Variants in CCNK observed in about 807,000 individuals in gnomAD.
CCNK encodes cyclin-K.
CCNK carries 9 observed loss-of-function variants against 65.0 expected under a neutral mutation model. That is an observed-to-expected ratio of 0.14 (90% CI 0.08 to 0.24). CCNK has a LOEUF of 0.24. Among genes scored for constraint, CCNK ranks in the 10% least tolerant of loss-of-function variants. CCNK has a pLI of 1.00. For missense variants in CCNK, 474 were observed against 720.0 expected, an observed-to-expected ratio of 0.66 and a Z score of 3.91; for synonymous variants, 279 against 270.8, an observed-to-expected ratio of 1.03 and a Z score of -0.30.
chr14:99,494,223 C>T (rs969082435), intron 3 of CCNK: 1 of 152,226 alleles, frequency 6.6e-6, no homozygotes, highest in African/African-American at 2.4e-5. Flanking sequence ...CCAACAGAAG[C>T]TAGCATAAGC....
chr14:99,493,508 C>T lies in CCNK; in HGVS notation c.198-6C>T. ...TATTGGTTAGAGTCCTTAACCAGAA[C>T]AACAGACACTATGATACCCTGGCAA... On this transcript the variant is annotated splice_polypyrimidine_tract_variant and splice_region_variant and intron_variant, in intron 2 of 10. Coordinates refer to ENST00000389879, the MANE Select transcript of CCNK (RefSeq NM_001099402.2). The T allele has an allele frequency of 6.2e-7, 1 of 1,603,154 alleles. No individual in the cohort carries two copies. The highest frequency in any genetic ancestry group is 1.1e-5 in the South Asian group (1 of 90,316).
intron 9 of CCNK, chr14:99,506,684 T>C: frequency 5.3e-6 from 1 of 190,016 alleles, no homozygotes; most frequent in Non-Finnish European, 1.1e-5. Flanking sequence ...GGGGACTCAG[T>C]GACATGATGT....
At position 99,510,869 on chromosome 14, in the gene CCNK, C is replaced by T; in HGVS notation, c.*87C>T. On this transcript the variant is annotated 3_prime_UTR_variant, in exon 11 of 11. Transcript: ENST00000389879. Reference sequence around the variant, plus strand: ...TTGAAGTGGGTAAGCAGCAGGGTACCTTGTATAATGCACGACAGTTGCAGT... The same window carrying T: ...TTGAAGTGGGTAAGCAGCAGGGTACTTTGTATAATGCACGACAGTTGCAGT... 1 of 1,174,802 alleles carries T rather than the reference C, an allele frequency of 8.5e-7. No individual in the cohort carries two copies. The highest frequency in any genetic ancestry group is 1.1e-6 in the Non-Finnish European group (1 of 895,474). The allele number at this position is 1,174,802 out of a possible 1,614,324, so 72.8% of individuals were successfully genotyped here.
At chr14:99,498,968 T>C (rs1896760704) in intron 4 of CCNK, among the ~76,000 whole-genome samples, 1 of 152,198 alleles carries the variant, frequency 6.6e-6, no homozygotes. Flanking sequence ...AAAAGAATTG[T>C]TTCTAAATTT....
At chr14:99,484,443 C>T (rs1007848723) in intron 1 of CCNK, among the ~76,000 whole-genome samples, 2 of 152,072 alleles carry the variant, frequency 1.3e-5, no homozygotes, top group Non-Finnish European at 2.9e-5. Context: ...AAAGAAAAAT[C>T]ATGATGAGAA....
chr14:99,493,059 C>A, intron 2 of CCNK, 185 bp downstream of exon 2: 1 of 607,748 alleles, frequency 1.6e-6, no homozygotes, highest in Non-Finnish European at 2.7e-6. Flanking sequence ...AAGGTGTAGA[C>A]TTAGCCACTG....
chr14:99,490,112 G>T (rs1896568128), intron 1 of CCNK, among the ~76,000 whole-genome samples: 1 of 152,182 alleles, frequency 6.6e-6, no homozygotes, highest in Admixed American at 6.5e-5. Context: ...TTACTAGTGG[G>T]TGGTTTTAAC....
intron 10 of CCNK, 89 bp from the exon 11 acceptor site, chr14:99,510,068 C>G (rs1897081719): frequency 2.2e-6 from 3 of 1,347,368 alleles, no homozygotes; most frequent in Non-Finnish European, 2.0e-6. Flanking sequence ...CCCTGCTCCT[C>G]TGTAAAGATG....
At chr14:99,484,945 GAT>G (rs1471195315) in intron 1 of CCNK, among the ~76,000 whole-genome samples, 1 of 152,130 alleles carries the variant, frequency 6.6e-6, no homozygotes, top group Non-Finnish European at 1.5e-5. Flanking sequence ...CTTGTTTATG[GAT>G]TTTCATTTTG....
intron 3 of CCNK, 74 bp downstream of exon 3, chr14:99,493,669 A>C: frequency 1.0e-6 from 1 of 992,432 alleles, no homozygotes; most frequent in Non-Finnish European, 1.5e-6. Context: ...ACTAATTATA[A>C]GCTCTATTTT....
At chr14:99,497,713 A>G (rs1394965556) in intron 4 of CCNK, among the ~76,000 whole-genome samples, 1 of 152,222 alleles carries the variant, frequency 6.6e-6, no homozygotes, top group Non-Finnish European at 1.5e-5. Context: ...CAAAATGTAT[A>G]GTCATTCTCC....
chr14:99,510,428 C>G lies in CCNK; in HGVS notation c.1389C>G (p.Pro463=). 9.0e-6 allele frequency: 14 copies of G among 1,547,706 alleles called. No homozygotes were observed. Among genetic ancestry groups the G allele is most frequent in the Admixed American group, 2.0e-5 (1 of 50,866 alleles). The part of the protein sequence containing the change: ...TEGPSYGALP[P]AYGPPAHLPY... ...GACCCTCCTACGGTGCCCTGCCCCCCGCCTACGGCCCACCTGCACACCTGC... is the reference window on the plus strand; with the variant it reads ...GACCCTCCTACGGTGCCCTGCCCCCGGCCTACGGCCCACCTGCACACCTGC... The change falls in exon 11 of 11, where the codon CCC becomes CCG. Residue 463 remains proline, a synonymous_variant. Coordinates refer to ENST00000389879, the MANE Select transcript of CCNK (RefSeq NM_001099402.2).
chr14:99,481,415 C>T lies in CCNK; in HGVS notation c.-117C>T. 1 of 398,642 alleles carries T rather than the reference C, an allele frequency of 2.5e-6. No homozygotes were observed. Among genetic ancestry groups the T allele is most frequent in the South Asian group, 1.3e-4 (1 of 7,860 alleles). 24.7% of individuals were successfully genotyped at this position (398,642 alleles called of 1,614,324 possible). The stretch of plus-strand genomic sequence containing the variant: ...CGTGATGACGTAGGTCCCCGACATT[C>T]CATATACAAGATGGCCGCAGTCGGC... On this transcript the variant is annotated 5_prime_UTR_variant, in exon 1 of 11. Coordinates refer to ENST00000389879, the MANE Select transcript of CCNK (RefSeq NM_001099402.2).
In CCNK at chr14:99,502,196, T is replaced by C. The variant is rs752048328; in HGVS notation, c.576-11T>C. The C allele has an allele frequency of 1.9e-6, 3 of 1,564,352 alleles. No homozygotes were observed. Among genetic ancestry groups the C allele is most frequent in the Admixed American group, 3.9e-5 (2 of 51,770 alleles). ...CATATTATCTAACCTTTTTTTTTCT[T>C]GTTGAACTAGTCTCTGCACCACCTT... is the stretch of plus-strand genomic sequence containing the variant. On this transcript the variant is annotated splice_polypyrimidine_tract_variant and intron_variant, in intron 6 of 10. Coordinates refer to ENST00000389879, the MANE Select transcript of CCNK (RefSeq NM_001099402.2).
intron 1 of CCNK, among the ~76,000 whole-genome samples, chr14:99,487,275 A>G (rs938652437): frequency 1.8e-4 from 27 of 152,246 alleles, no homozygotes; most frequent in Non-Finnish European, 5.9e-5. Context: ...TTCATAGGAT[A>G]TAACTGTACT....
chr14:99,489,289 T>G (rs1187487229), intron 1 of CCNK, among the ~76,000 whole-genome samples: 1 of 152,228 alleles, frequency 6.6e-6, no homozygotes, highest in Admixed American at 6.5e-5. Flanking sequence ...ACATATTTGC[T>G]TTATTCCACA....
intron 5 of CCNK, 177 bp downstream of exon 5, chr14:99,501,048 T>G (rs1171996553): frequency 1.6e-6 from 1 of 610,062 alleles, no homozygotes; most frequent in Non-Finnish European, 2.9e-6. Context: ...TCCTTTTATG[T>G]ATAAACAGGC....
At chr14:99,489,974 G>C (rs1896565736) in intron 1 of CCNK, among the ~76,000 whole-genome samples, 1 of 152,220 alleles carries the variant, frequency 6.6e-6, no homozygotes, top group African/African-American at 2.4e-5. Flanking sequence ...GAAATAGAAA[G>C]TCACCATTAG....
chr14:99,502,117 ATTAATGG>A, intron 6 of CCNK, 83 bp from the exon 7 acceptor site: 3 of 1,361,034 alleles, frequency 2.2e-6, no homozygotes, highest in Non-Finnish European at 1.9e-6. Context: ...GAATAAGCAA[ATTAATGG>A]TTAGTTATGG....
Sources: allele counts gnomAD v4.1 joint callset (sites outside exome capture counted in the v4.1 genomes callset), GRCh38; gene constraint gnomAD v4.1.1; transcripts MANE v1.5; gene names NCBI Gene and HGNC (gene_info 2026-07-23, HGNC 2026-07-21).